PLAC8: variants seen among roughly 807,000 people sequenced by gnomAD.
The protein encoded by PLAC8 is placenta associated 8.
A neutral mutation model predicts 12.6 loss-of-function variants in PLAC8; 6 were observed. The observed-to-expected ratio is 0.48, with a 90% CI of 0.26 to 0.94. PLAC8 has a LOEUF of 0.94. Ranked by LOEUF, PLAC8 falls within the 40% of genes least tolerant of loss-of-function variation. The pLI is 0.14. For missense variants in PLAC8, 122 were observed against 152.7 expected, an observed-to-expected ratio of 0.80 and a Z score of 1.06; for synonymous variants, 54 against 52.6, an observed-to-expected ratio of 1.03 and a Z score of -0.11.
chr4:83,105,697 A>AT (rs1732218987), intron 2 of PLAC8, among the ~76,000 whole-genome samples: 1 of 152,116 alleles, frequency 6.6e-6, no homozygotes, highest in Non-Finnish European at 1.5e-5. Context: ...GGGGAGAATA[A>AT]TTTGATCAGA....
At chr4:83,108,841 C>G (rs1283186450) in intron 1 of PLAC8, among the ~76,000 whole-genome samples, 2 of 152,020 alleles carry the variant, frequency 1.3e-5, no homozygotes, top group Non-Finnish European at 2.9e-5. Context: ...CCTTCTTGTT[C>G]CTAATTTATT....
chr4:83,091,105 C>T (rs1413208107), intron 4 of PLAC8, 134 bp from the exon 5 acceptor site: 1 of 152,182 alleles, frequency 6.6e-6, no homozygotes, highest in Non-Finnish European at 1.5e-5. Context: ...ATGTATCTGG[C>T]ACCCAATTTT....
intron 3 of PLAC8, among the ~76,000 whole-genome samples, chr4:83,099,870 G>A (rs1338195690): frequency 6.6e-6 from 1 of 151,702 alleles, no homozygotes; most frequent in Admixed American, 6.6e-5. Flanking sequence ...GATGGGTGTG[G>A]TGACGCACAC....
At chr4:83,105,085 C>T in intron 2 of PLAC8, 65 bp from the exon 3 acceptor site, 1 of 1,599,004 alleles carries the variant, frequency 6.3e-7, no homozygotes, top group Non-Finnish European at 8.6e-7. Flanking sequence ...GAAAGTTTAG[C>T]TTGCTTTCAC....
chr4:83,099,773 G>T (rs1230903146), intron 3 of PLAC8, among the ~76,000 whole-genome samples: 3 of 151,556 alleles, frequency 2.0e-5, no homozygotes, highest in African/African-American at 7.3e-5. Flanking sequence ...CAAGGCAGGC[G>T]GATCACAGGG....
At chr4:83,113,754 A>C (rs1560458805) in intron 1 of PLAC8, among the ~76,000 whole-genome samples, 2 of 152,154 alleles carry the variant, frequency 1.3e-5, no homozygotes, top group Non-Finnish European at 1.5e-5. Flanking sequence ...CAAGCTTTGG[A>C]GAATGAGACT....
intron 3 of PLAC8, among the ~76,000 whole-genome samples, chr4:83,095,099 T>C (rs1256986157): frequency 6.6e-6 from 1 of 152,192 alleles, no homozygotes; most frequent in African/African-American, 2.4e-5. Context: ...CTCTCTGTCA[T>C]AGGAAGCTAG....
intron 1 of PLAC8, among the ~76,000 whole-genome samples, chr4:83,110,146 C>A (rs956829600): frequency 3.3e-5 from 5 of 152,178 alleles, no homozygotes; most frequent in Admixed American, 6.5e-5. Flanking sequence ...TCCGGGCGCC[C>A]AGGCTCACCG....
chr4:83,094,451 T>C (rs1184522182), intron 4 of PLAC8: 13 of 380,938 alleles, frequency 3.4e-5, no homozygotes, highest in Middle Eastern at 7.1e-4. Flanking sequence ...TTCTGAGAAG[T>C]TTAGAAAATT....
chr4:83,102,949 A>G (rs1241712608), intron 3 of PLAC8, among the ~76,000 whole-genome samples: 14 of 150,660 alleles, frequency 9.3e-5, no homozygotes, highest in African/African-American at 2.9e-4. Flanking sequence ...AGCCGGGCGT[A>G]GTGGCGGGCA....
intron 3 of PLAC8, among the ~76,000 whole-genome samples, chr4:83,098,668 C>A (rs1247520164): frequency 6.6e-6 from 1 of 151,948 alleles, no homozygotes; most frequent in Non-Finnish European, 1.5e-5. Flanking sequence ...GAGACAGATT[C>A]AGCTGGCTTC....
rs1732490920 is a variant in PLAC8 at position 83,114,687 on chromosome 4, G to T, written c.-51C>A. The T allele has an allele frequency of 6.6e-6, 1 of 152,012 alleles. No individual in the cohort carries two copies. Among genetic ancestry groups the T allele is most frequent in the Non-Finnish European group, 1.5e-5 (1 of 68,014 alleles). 9.4% of individuals were successfully genotyped at this position (152,012 alleles called of 1,614,324 possible). ...TTACAATTAGTAAACAAGGTTCCGA[G>T]CAGGAAATGTCTTGTGGCCTGGGAG... On this transcript the variant is annotated 5_prime_UTR_variant, in exon 1 of 5. Transcript: ENST00000311507.
chr4:83,105,166 C>G (rs1004621788), intron 2 of PLAC8, 146 bp from the exon 3 acceptor site: 8 of 872,194 alleles, frequency 9.2e-6, no homozygotes, highest in African/African-American at 6.7e-5. Flanking sequence ...TGTTTCTATT[C>G]AGCTTTGCAT....
At chr4:83,091,665 T>C (rs548414624) in intron 4 of PLAC8, among the ~76,000 whole-genome samples, 1 of 152,200 alleles carries the variant, frequency 6.6e-6, no homozygotes, top group African/African-American at 2.4e-5. Flanking sequence ...GAAGTCACTA[T>C]GCAAACCCCC....
At chr4:83,106,131 C>G (rs961107620) in intron 2 of PLAC8, among the ~76,000 whole-genome samples, 1 of 151,936 alleles carries the variant, frequency 6.6e-6, no homozygotes, top group Non-Finnish European at 1.5e-5. Context: ...TCCCAAGTAG[C>G]TGGGACTACA....
intron 2 of PLAC8, among the ~76,000 whole-genome samples, chr4:83,106,983 T>C (rs1732257429): frequency 6.6e-6 from 1 of 152,178 alleles, no homozygotes; most frequent in South Asian, 2.1e-4. Context: ...GCGGATCACC[T>C]GAGGTCAGGA....
At chr4:83,101,667 G>C (rs191832256) in intron 3 of PLAC8, among the ~76,000 whole-genome samples, 2 of 152,204 alleles carry the variant, frequency 1.3e-5, no homozygotes, top group African/African-American at 4.8e-5. Context: ...GGAGAAGTCC[G>C]TGCCTGTATT....
At chr4:83,100,683 A>T (rs1274866826) in intron 3 of PLAC8, among the ~76,000 whole-genome samples, 1 of 152,208 alleles carries the variant, frequency 6.6e-6, no homozygotes, top group South Asian at 2.1e-4. Flanking sequence ...TCCCTGAGAC[A>T]CAACAATACT....
chr4:83,110,333 A>G (rs1443680592), intron 1 of PLAC8, among the ~76,000 whole-genome samples: 1 of 151,234 alleles, frequency 6.6e-6, no homozygotes, highest in Non-Finnish European at 1.5e-5. Flanking sequence ...AGAGTAAGCA[A>G]CCACAGCTCT....
Sources: gnomAD v4.1 joint callset for allele counts (sites outside exome capture counted in the v4.1 genomes callset) on GRCh38, gnomAD v4.1.1 for gene constraint, MANE v1.5 for transcripts, NCBI Gene and HGNC (gene_info 2026-07-23, HGNC 2026-07-21) for gene names.